The following CDH13 variants were observed in gnomAD, a reference collection of about 807,000 sequenced individuals.
CDH13 encodes cadherin-13.
A neutral mutation model predicts 63.8 loss-of-function variants in CDH13; 24 were observed. The observed-to-expected ratio is 0.38, with a 90% CI of 0.27 to 0.53. The LOEUF (loss-of-function observed/expected upper bound fraction) is 0.53, where lower values mean the gene tolerates loss of function less well. Ranked by LOEUF, CDH13 falls within the 20% of genes least tolerant of loss-of-function variation. The pLI is 0.85. For synonymous variants in CDH13, 503 were observed against 355.3 expected (o/e 1.42, Z -4.67); for missense variants, 1,049 against 903.1 (o/e 1.16, Z -2.07).
At chr16:83,713,435 G>A (rs571164137) in intron 10 of CDH13, among the ~76,000 whole-genome samples, 3 of 152,194 alleles carry the variant, frequency 2.0e-5, no homozygotes, top group Non-Finnish European at 2.9e-5. Flanking sequence ...GAGTTGGGGA[G>A]GGAGGGAGAT....
At chr16:82,731,659 G>A (rs540166651) in intron 1 of CDH13, among the ~76,000 whole-genome samples, 1 of 152,176 alleles carries the variant, frequency 6.6e-6, no homozygotes, top group Non-Finnish European at 1.5e-5. Flanking sequence ...TTGCTCATCA[G>A]TTCTAACTGT....
chr16:83,649,436 A>T (rs11866399), intron 8 of CDH13, among the ~76,000 whole-genome samples: 1 of 152,186 alleles, frequency 6.6e-6, no homozygotes, highest in Non-Finnish European at 1.5e-5. Context: ...GTGAAGGGAA[A>T]GAGAGGGTGG....
At chr16:83,619,151 C>T (rs537032110) in intron 8 of CDH13, among the ~76,000 whole-genome samples, 2 of 152,220 alleles carry the variant, frequency 1.3e-5, no homozygotes, top group East Asian at 1.9e-4. Flanking sequence ...CATTCATCCA[C>T]CTGCTTGCCC....
chr16:83,341,198 C>T (rs563945346), intron 5 of CDH13, among the ~76,000 whole-genome samples: 8 of 152,168 alleles, frequency 5.3e-5, no homozygotes, highest in Non-Finnish European at 8.8e-5. Flanking sequence ...TCAAAGGAAA[C>T]AAGCATTATT....
intron 7 of CDH13, among the ~76,000 whole-genome samples, chr16:83,570,036 G>T (rs1904428042): frequency 6.6e-6 from 1 of 152,086 alleles, no homozygotes; most frequent in South Asian, 2.1e-4. Context: ...TGCCCAGCCA[G>T]GAGCCAGTGG....
chr16:83,624,820 A>C (rs1201737020), intron 8 of CDH13, among the ~76,000 whole-genome samples: 1 of 152,106 alleles, frequency 6.6e-6, no homozygotes, highest in East Asian at 1.9e-4. Context: ...GAAGAAAGCA[A>C]TGCCCCCAGA....
At chr16:83,520,956 C>T (rs2074818251) in intron 7 of CDH13, among the ~76,000 whole-genome samples, 1 of 152,056 alleles carries the variant, frequency 6.6e-6, no homozygotes. Context: ...AAGTGCCTCT[C>T]CTCAGGTTTC....
chr16:83,774,808 A>C (rs1380399968), intron 11 of CDH13, among the ~76,000 whole-genome samples: 3 of 152,208 alleles, frequency 2.0e-5, no homozygotes, highest in Non-Finnish European at 2.9e-5. Flanking sequence ...TTGGTGTTTA[A>C]TGGGTCAGAG....
At chr16:83,537,698 T>A (rs1476391968) in intron 7 of CDH13, among the ~76,000 whole-genome samples, 1 of 152,186 alleles carries the variant, frequency 6.6e-6, no homozygotes, top group Non-Finnish European at 1.5e-5. Flanking sequence ...TCTAATATAG[T>A]GGCATTCTAT....
chr16:83,011,230 GTT>G (rs1202460905), intron 2 of CDH13, among the ~76,000 whole-genome samples: 1 of 152,130 alleles, frequency 6.6e-6, no homozygotes, highest in East Asian at 1.9e-4. Context: ...TGTAGGCTCA[GTT>G]TCTCCCTCTA....
chr16:83,028,434 C>A (rs955295405), intron 2 of CDH13, among the ~76,000 whole-genome samples: 1 of 152,088 alleles, frequency 6.6e-6, no homozygotes, highest in Non-Finnish European at 1.5e-5. Context: ...CTTTGCAGAG[C>A]GATCAAAAGG....
chr16:83,650,631 G>C (rs1184337058), intron 8 of CDH13, among the ~76,000 whole-genome samples: 1 of 152,202 alleles, frequency 6.6e-6, no homozygotes, highest in Non-Finnish European at 1.5e-5. Context: ...CCAGCATCTA[G>C]TAGGTAAGAA....
At chr16:82,778,582 A>C (rs112775780) in intron 1 of CDH13, among the ~76,000 whole-genome samples, 7 of 151,000 alleles carry the variant, frequency 4.6e-5, no homozygotes, top group Non-Finnish European at 1.0e-4. Flanking sequence ...AAAAAAAAAA[A>C]AAAAAAAAAA....
chr16:83,329,632 C>G (rs1373383420), intron 5 of CDH13, among the ~76,000 whole-genome samples: 1 of 152,118 alleles, frequency 6.6e-6, no homozygotes, highest in Non-Finnish European at 1.5e-5. Context: ...TGAAACACAT[C>G]TCCGGAACCT....
chr16:83,294,003 C>T (rs1417151728), intron 5 of CDH13, among the ~76,000 whole-genome samples: 1 of 152,160 alleles, frequency 6.6e-6, no homozygotes, highest in African/African-American at 2.4e-5. Context: ...AAATCAATAA[C>T]TACCCCAAGT....
intron 3 of CDH13, among the ~76,000 whole-genome samples, chr16:83,116,962 T>C (rs2035331087): frequency 6.6e-6 from 1 of 152,168 alleles, no homozygotes; most frequent in Non-Finnish European, 1.5e-5. Flanking sequence ...CAGCTTCTCA[T>C]TTCGTTCTGA....
chr16:82,714,928 C>T (rs2032254685), intron 1 of CDH13, among the ~76,000 whole-genome samples: 1 of 119,046 alleles, frequency 8.4e-6, no homozygotes, highest in Non-Finnish European at 1.8e-5. Flanking sequence ...GACTTTTTGC[C>T]TCCAGAACTG....
intron 8 of CDH13, among the ~76,000 whole-genome samples, chr16:83,625,953 G>C (rs949819149): frequency 1.3e-5 from 2 of 152,022 alleles, no homozygotes; most frequent in African/African-American, 4.8e-5. Flanking sequence ...CTTTCCCTGG[G>C]AGTCCGATGC....
intron 5 of CDH13, among the ~76,000 whole-genome samples, chr16:83,232,051 G>C (rs949642753): frequency 1.3e-5 from 2 of 152,070 alleles, no homozygotes; most frequent in African/African-American, 4.8e-5. Flanking sequence ...GCTTTTCAGA[G>C]GGTAGAGGGT....
Sources: allele counts gnomAD v4.1 joint callset (sites outside exome capture counted in the v4.1 genomes callset), GRCh38; gene constraint gnomAD v4.1.1; transcripts MANE v1.5; gene names NCBI Gene and HGNC (gene_info 2026-07-23, HGNC 2026-07-21).